RTL4: variants seen among roughly 807,000 people sequenced by gnomAD.
The protein encoded by RTL4 is retrotransposon Gag-like protein 4.
A neutral mutation model predicts 5.3 loss-of-function variants in RTL4; 4 were observed. The ratio of observed to expected loss-of-function variants is 0.75; its 90% CI spans 0.37 to 1.72. RTL4 has a LOEUF of 1.72. RTL4 is among the 40% of genes most tolerant of loss of function. The pLI, the probability that RTL4 is intolerant of heterozygous loss-of-function variation, is 0.04. For synonymous variants in RTL4, 98 were observed against 87.3 expected (o/e 1.12, Z -0.68); for missense variants, 260 against 227.1 (o/e 1.14, Z -0.93).
chrX:112,413,920 C>T, the RTL4 span, among the ~76,000 whole-genome samples: 3 of 111,051 alleles, frequency 2.7e-5, no homozygotes, highest in Non-Finnish European at 5.7e-5. Context: ...GTGATCATTA[C>T]ACATTGCATG....
chrX:112,261,483 A>C, the RTL4 span, among the ~76,000 whole-genome samples: 1 of 111,529 alleles, frequency 9.0e-6, no homozygotes. Flanking sequence ...TCCAACTTAC[A>C]AGGGATGTGA....
the RTL4 span, among the ~76,000 whole-genome samples, chrX:112,241,913 T>A: frequency 1.3e-4 from 15 of 112,391 alleles, no homozygotes; most frequent in Non-Finnish European, 2.6e-4. Context: ...TTTCTACATA[T>A]GGCTAGCCAG....
chrX:112,405,221 T>C, the RTL4 span, among the ~76,000 whole-genome samples: 12 of 111,762 alleles, frequency 1.1e-4, no homozygotes, highest in African/African-American at 3.9e-4. Context: ...ACAATACTAC[T>C]ACAATTTGAG....
the RTL4 span, among the ~76,000 whole-genome samples, chrX:112,431,369 C>T: frequency 8.9e-6 from 1 of 112,069 alleles, no homozygotes; most frequent in East Asian, 2.8e-4. Flanking sequence ...GAATTTTCTA[C>T]AGTATTCACT....
At chrX:112,419,635 A>ATATGTATATATATAT in the RTL4 span, among the ~76,000 whole-genome samples, 1 of 96,188 alleles carries the variant, frequency 1.0e-5, no homozygotes, top group African/African-American at 4.0e-5. Flanking sequence ...TTAAGTATGT[A>ATATGTATATATATAT]AATCTGACTC....
At chrX:112,361,818 C>T in the RTL4 span, among the ~76,000 whole-genome samples, 4 of 111,118 alleles carry the variant, frequency 3.6e-5, no homozygotes, top group African/African-American at 1.3e-4. Context: ...ATTGTGGTAT[C>T]AGGAGGTTCT....
At chrX:112,195,086 G>A in the RTL4 span, among the ~76,000 whole-genome samples, 52 of 111,960 alleles carry the variant, frequency 4.6e-4, no homozygotes, top group African/African-American at 1.5e-3. Context: ...GGAGTAGTAA[G>A]AATAGATGAG....
chrX:112,156,779 G>A, the RTL4 span, among the ~76,000 whole-genome samples: 1 of 111,282 alleles, frequency 9.0e-6, no homozygotes, highest in Admixed American at 9.6e-5. Context: ...ACAGCCTAGC[G>A]ACTCAGTCTA....
the RTL4 span, among the ~76,000 whole-genome samples, chrX:112,148,312 C>T: frequency 3.0e-5 from 3 of 100,529 alleles, no homozygotes; most frequent in African/African-American, 1.2e-4. Flanking sequence ...GATCTAACTG[C>T]CATGTGACTG....
upstream of RTL4, among the ~76,000 whole-genome samples, chrX:112,451,126 C>T (rs6655181): frequency 0.22 from 24,377 of 110,845 alleles, 2,174 homozygotes; most frequent in Middle Eastern, 0.29. Context: ...TTTCTAAAAA[C>T]CTGAAAAAAT....
the RTL4 span, among the ~76,000 whole-genome samples, chrX:112,145,355 G>C: frequency 9.0e-6 from 1 of 111,564 alleles, no homozygotes; most frequent in Non-Finnish European, 1.9e-5. Flanking sequence ...GTGTGAGTGG[G>C]GTGGAGAACA....
chrX:112,201,716 A>T, the RTL4 span, among the ~76,000 whole-genome samples: 2 of 111,119 alleles, frequency 1.8e-5, no homozygotes, highest in Admixed American at 9.6e-5. Context: ...CATTTTTTTT[A>T]GAACTTGGGT....
chrX:112,222,767 G>A, the RTL4 span, among the ~76,000 whole-genome samples: 117 of 111,570 alleles, frequency 1.0e-3, no homozygotes, highest in African/African-American at 1.4e-3. Context: ...CCTTTCATTC[G>A]TAAGGATCCA....
chrX:112,135,001 T>C, the RTL4 span, among the ~76,000 whole-genome samples: 1 of 112,240 alleles, frequency 8.9e-6, no homozygotes, highest in African/African-American at 3.2e-5. Context: ...CAAATAAAGT[T>C]GTTATGAACA....
upstream of RTL4, among the ~76,000 whole-genome samples, chrX:112,453,669 C>T (rs923503161): frequency 2.7e-5 from 3 of 111,934 alleles, no homozygotes; most frequent in Admixed American, 9.5e-5. Context: ...AGTGATTATT[C>T]CAATTCAAAC....
chrX:112,342,134 G>A, the RTL4 span, among the ~76,000 whole-genome samples: 128 of 111,512 alleles, frequency 1.1e-3, 1 homozygote, highest in African/African-American at 3.1e-3. Flanking sequence ...AAATCACCTC[G>A]TGTTGGCAGA....
chrX:112,145,144 G>GA, the RTL4 span, among the ~76,000 whole-genome samples: 1 of 111,529 alleles, frequency 9.0e-6, no homozygotes, highest in Admixed American at 9.5e-5. Context: ...TACTTAACTG[G>GA]AGTGTGTCAA....
At chrX:112,181,493 G>A in the RTL4 span, among the ~76,000 whole-genome samples, 2 of 111,514 alleles carry the variant, frequency 1.8e-5, no homozygotes, top group Admixed American at 1.9e-4. Context: ...AGCTTGGTGG[G>A]GGGAAGGGGG....
At chrX:112,184,662 G>A in the RTL4 span, among the ~76,000 whole-genome samples, 3 of 111,887 alleles carry the variant, frequency 2.7e-5, no homozygotes, top group African/African-American at 9.8e-5. Context: ...CTGCTATTTG[G>A]TAAAAGTTCC....
Sources: gnomAD v4.1 joint callset for allele counts (sites outside exome capture counted in the v4.1 genomes callset) on GRCh38, gnomAD v4.1.1 for gene constraint, MANE v1.5 for transcripts, NCBI Gene and HGNC (gene_info 2026-07-23, HGNC 2026-07-21) for gene names.